LETM1: variants seen among roughly 807,000 people sequenced by gnomAD.
The protein encoded by LETM1 is leucine zipper and EF-hand containing transmembrane protein 1.
LETM1 carries 50 observed loss-of-function variants against 74.5 expected under a neutral mutation model. That is an observed-to-expected ratio of 0.67 (90% confidence interval 0.53 to 0.85). LETM1 has a LOEUF of 0.85. Among genes scored for constraint, LETM1 ranks in the 40% least tolerant of loss-of-function variants. LETM1 has a pLI of 0.00. For synonymous variants in LETM1, 446 were observed against 407.1 expected, an observed-to-expected ratio of 1.10 and a Z score of -1.15; for missense variants, 824 against 967.8, an observed-to-expected ratio of 0.85 and a Z score of 1.97.
intron 11 of LETM1, among the ~76,000 whole-genome samples, chr4:1,818,623 A>G (rs1463682452): frequency 6.6e-6 from 1 of 152,096 alleles, no homozygotes; most frequent in Non-Finnish European, 1.5e-5. Flanking sequence ...AAAAAAAGAA[A>G]AAAAGAAAGA....
chr4:1,844,971 C>A (rs1403841125), intron 2 of LETM1, among the ~76,000 whole-genome samples: 1 of 150,770 alleles, frequency 6.6e-6, no homozygotes, highest in Admixed American at 6.6e-5. Context: ...GCGGGCAGAT[C>A]ACGAGGTCAG....
At position 1,811,952 on chromosome 4, in the gene LETM1, A is replaced by G. The variant is rs1237285957; in HGVS notation, c.*2472T>C. On this transcript the variant is annotated 3_prime_UTR_variant, in exon 14 of 14. Transcript: ENST00000302787. ...ATAAAAACTTGCCCGTAATCCCAGC[A>G]CTTTGGGAGGCCGAGGTGAGTAGAT... The G allele has an allele frequency of 2.0e-5, 3 of 152,172 alleles. No individual in the cohort carries two copies. The highest frequency in any genetic ancestry group is 7.2e-5 in the African/African-American group (3 of 41,432). The allele number at this position is 152,172 out of a possible 1,614,324, so 9.4% of individuals were successfully genotyped here. A position where few individuals can be genotyped will look rare whatever the true frequency, so the allele number is the denominator to read the frequency against.
intron 6 of LETM1, among the ~76,000 whole-genome samples, chr4:1,829,228 C>T (rs1337266499): frequency 6.8e-6 from 1 of 148,052 alleles, no homozygotes; most frequent in African/African-American, 2.5e-5. Context: ...GGCCGACCCC[C>T]CCACCTCCCT....
Position 1,856,009 on chromosome 4 carries a change from G to A in LETM1, c.-59C>T. The A allele has an allele frequency of 9.2e-7, 1 of 1,087,706 alleles. No individual in the cohort carries two copies. Among genetic ancestry groups the A allele is most frequent in the South Asian group, 4.6e-5 (1 of 21,580 alleles). The allele number at this position is 1,087,706 out of a possible 1,614,324, so 67.4% of individuals were successfully genotyped here. A position where few individuals can be genotyped will look rare whatever the true frequency, so the allele number is the denominator to read the frequency against. On this transcript the variant is annotated 5_prime_UTR_variant, in exon 1 of 14. Coordinates refer to ENST00000302787, the MANE Select transcript of LETM1 (RefSeq NM_012318.3). ...CGCTGCCTCCTTCTCCGCGGCGGCC[G>A]CGGCTCTTCGCCGTCCCGGCGGCGC...
chr4:1,823,021 A>G lies in LETM1; in HGVS notation c.1443T>C (p.Arg481=). 5.0e-6 allele frequency: 8 copies of G among 1,607,258 alleles called. No homozygotes were observed. Among genetic ancestry groups the G allele is most frequent in the Non-Finnish European group, 6.8e-6 (8 of 1,176,226 alleles). ...QEEAAIQQEH[R]EKELQKRSEV... ...CCGAGCGCTTCTGCAGCTCCTTCTCACGGTGCTCCTGCTGGATGGCCGCCT... is the reference window on the plus strand; with the variant it reads ...CCGAGCGCTTCTGCAGCTCCTTCTCGCGGTGCTCCTGCTGGATGGCCGCCT... Residue 481 remains arginine (R), a synonymous_variant, in exon 9 of 14, where the codon CGT becomes CGC. Transcript: ENST00000302787.
At chr4:1,829,951 G>T (rs1233508449) in intron 6 of LETM1, among the ~76,000 whole-genome samples, 2 of 152,192 alleles carry the variant, frequency 1.3e-5, no homozygotes, top group South Asian at 2.1e-4. Context: ...TGACTCTGAC[G>T]TGACTTGCTG....
intron 13 of LETM1, among the ~76,000 whole-genome samples, chr4:1,815,312 C>T (rs1171108855): frequency 1.2e-4 from 18 of 152,164 alleles, no homozygotes; most frequent in Non-Finnish European, 4.4e-5. Context: ...GTGTGAAGTG[C>T]CCCCAGGCTC....
At chr4:1,824,763 G>A (rs764498235) in intron 7 of LETM1, among the ~76,000 whole-genome samples, 2 of 152,232 alleles carry the variant, frequency 1.3e-5, no homozygotes, top group Admixed American at 6.5e-5. Flanking sequence ...ATATCCCCAC[G>A]GAGCTCCAGA....
Position 1,811,803 on chromosome 4 carries a change from A to C in LETM1, c.*2621T>G, listed in dbSNP as rs1054677393. On this transcript the variant is annotated 3_prime_UTR_variant, in exon 14 of 14. Transcript: ENST00000302787. ...CCTGAATCCCTGCGTTAGAACTGAG[A>C]GTTCAGGCCGGGCGCGGTGGCTCAT... 1 of 152,378 alleles carries C rather than the reference A, an allele frequency of 6.6e-6. No homozygotes were observed. Among genetic ancestry groups the C allele is most frequent in the African/African-American group, 2.4e-5 (1 of 41,454 alleles). The allele number at this position is 152,378 out of a possible 1,614,324, so 9.4% of individuals were successfully genotyped here. A position where few individuals can be genotyped will look rare whatever the true frequency, so the allele number is the denominator to read the frequency against.
Position 1,852,506 on chromosome 4 carries a change from G to A in LETM1, c.83-3297C>T, listed in dbSNP as rs113639668. On this transcript the variant is annotated intron_variant, in intron 1 of 13. Transcript: ENST00000302787. ...CTGAACTAAATCTCCAAACCCTCTC[G>A]CCTCCCTGGAAGGGGCAGGAAGTTC... Among the ~76,000 whole-genome samples the A allele has an allele frequency of 2.2e-3, 329 of 152,244 alleles. 1 individual carries two copies. The highest frequency in any genetic ancestry group is 7.6e-3 in the African/African-American group (316 of 41,530).
intron 6 of LETM1, among the ~76,000 whole-genome samples, chr4:1,828,611 T>C (rs1284795397): frequency 5.4e-5 from 5 of 92,532 alleles, no homozygotes; most frequent in African/African-American, 1.1e-4. Flanking sequence ...GAGGGGCTCC[T>C]CACTTCCCAG....
intron 10 of LETM1, among the ~76,000 whole-genome samples, chr4:1,819,909 A>T (rs928648701): frequency 6.6e-6 from 1 of 151,996 alleles, no homozygotes; most frequent in Non-Finnish European, 1.5e-5. Flanking sequence ...TCACTCACTT[A>T]TTTTGAGATT....
intron 6 of LETM1, among the ~76,000 whole-genome samples, chr4:1,828,509 C>CA (rs1712106855): frequency 2.8e-5 from 1 of 36,208 alleles, no homozygotes; most frequent in Non-Finnish European, 6.3e-5. Context: ...GGGGGGCTGA[C>CA]CCCCCCCCCC....
chr4:1,819,606 A>T (rs1180929343), intron 10 of LETM1, 134 bp from the exon 11 acceptor site: 1 of 1,027,606 alleles, frequency 9.7e-7, no homozygotes, highest in South Asian at 1.7e-5. Context: ...CATTGGTAAC[A>T]AGAGACCCGC....
intron 1 of LETM1, among the ~76,000 whole-genome samples, chr4:1,854,427 CCGAG>C (rs1050732281): frequency 2.0e-5 from 3 of 150,998 alleles, no homozygotes; most frequent in African/African-American, 7.3e-5. Flanking sequence ...TTGCAGTGAG[CCGAG>C]ATCATGCCAC....
At chr4:1,815,160 G>C (rs1711519538) in intron 13 of LETM1, among the ~76,000 whole-genome samples, 1 of 152,240 alleles carries the variant, frequency 6.6e-6, no homozygotes, top group Admixed American at 6.5e-5. Context: ...TCCTGGGCCA[G>C]GGTCTCCGGG....
intron 11 of LETM1, 130 bp from the exon 12 acceptor site, chr4:1,817,044 G>C (rs939941721): frequency 1.5e-6 from 1 of 684,194 alleles, no homozygotes; most frequent in Admixed American, 2.7e-5. Context: ...TTAGGAGTTC[G>C]AGACCAGCCT....
At chr4:1,839,090 A>G (rs940234960) in intron 3 of LETM1, among the ~76,000 whole-genome samples, 3 of 152,236 alleles carry the variant, frequency 2.0e-5, no homozygotes, top group African/African-American at 7.2e-5. Context: ...TAAAATAGAA[A>G]GAAAACATCT....
Position 1,855,758 on chromosome 4 carries a change from G to A in LETM1, c.82+111C>T, listed in dbSNP as rs1577331352. On this transcript the variant is annotated intron_variant, in intron 1 of 13. Transcript: ENST00000302787. ...GTCCCGCAGGGGCTCCGGAGGCCGG[G>A]ACCACCGGGCTCCCCGCATCGCCGT... The A allele has an allele frequency of 5.4e-5, 34 of 635,434 alleles. No individual in the cohort carries two copies. The East Asian group carries it at 1.4e-3, about 26-fold the overall frequency. The allele number at this position is 635,434 out of a possible 1,614,324, so 39.4% of individuals were successfully genotyped here. A position where few individuals can be genotyped will look rare whatever the true frequency, so the allele number is the denominator to read the frequency against.
Sources: allele counts gnomAD v4.1 joint callset (sites outside exome capture counted in the v4.1 genomes callset), GRCh38; gene constraint gnomAD v4.1.1; transcripts MANE v1.5; gene names NCBI Gene and HGNC (gene_info 2026-07-23, HGNC 2026-07-21).